Variants in VPS13A observed in about 807,000 individuals in gnomAD.
The protein encoded by VPS13A is intermembrane lipid transfer protein VPS13A.
A neutral mutation model predicts 390.9 loss-of-function variants in VPS13A; 264 were observed. The ratio of observed to expected loss-of-function variants is 0.68; its 90% CI spans 0.61 to 0.75. The LOEUF is 0.75. Ranked by LOEUF, VPS13A falls within the 30% of genes least tolerant of loss-of-function variation. VPS13A has a pLI of 0.00. For missense variants in VPS13A, 3,409 were observed against 3,733.9 expected, an observed-to-expected ratio of 0.91 and a Z score of 2.27; for synonymous variants, 1,231 against 1,227.1, an observed-to-expected ratio of 1.00 and a Z score of -0.07.
intron 45 of VPS13A, among the ~76,000 whole-genome samples, chr9:77,330,410 T>A (rs1203155431): frequency 6.6e-6 from 1 of 152,200 alleles, no homozygotes; most frequent in Non-Finnish European, 1.5e-5. Context: ...TGATCTTTCC[T>A]TGAAATTTCA....
In VPS13A at chr9:77,365,509, C is replaced by G; in HGVS notation, c.8261C>G (p.Thr2754Arg). 1.2e-6 allele frequency: 2 copies of G among 1,612,286 alleles called. No homozygotes were observed. The highest frequency in any genetic ancestry group is 1.7e-6 in the Non-Finnish European group (2 of 1,178,774). Residue 2754 changes from threonine to arginine, a missense_variant, in exon 60 of 72, where the codon ACA (threonine) becomes AGA (arginine). Transcript: ENST00000360280. ...DIEAFKEEYKTASLVDQSQVS... is the reference protein window; with the variant it reads ...DIEAFKEEYKRASLVDQSQVS... ...GAAGCTTTCAAAGAAGAATATAAAACAGCCTCATTAGTAGATCAATCACAA... is the reference window on the plus strand; with the variant it reads ...GAAGCTTTCAAAGAAGAATATAAAAGAGCCTCATTAGTAGATCAATCACAA...
chr9:77,185,523 G>A (rs1790217117), intron 1 of VPS13A, among the ~76,000 whole-genome samples: 1 of 152,128 alleles, frequency 6.6e-6, no homozygotes, highest in South Asian at 2.1e-4. Flanking sequence ...TTTAGGGATT[G>A]GGGGAAAAAC....
chr9:77,307,218 T>A (rs1828808577), intron 34 of VPS13A, among the ~76,000 whole-genome samples: 1 of 152,174 alleles, frequency 6.6e-6, no homozygotes, highest in Admixed American at 6.5e-5. Flanking sequence ...AATTATTAGC[T>A]CTTTGAGTTA....
intron 47 of VPS13A, chr9:77,338,333 A>T (rs1830643638): frequency 6.6e-6 from 1 of 152,110 alleles, no homozygotes. Context: ...TATGGTTTTA[A>T]ATGTGTATTT....
chr9:77,390,425 T>TA (rs1833853789), intron 68 of VPS13A, among the ~76,000 whole-genome samples: 1 of 152,174 alleles, frequency 6.6e-6, no homozygotes, highest in Non-Finnish European at 1.5e-5. Context: ...GAACATTTAA[T>TA]AGTGTGTACC....
intron 52 of VPS13A, chr9:77,350,908 GT>G (rs1356262335): frequency 1.1e-5 from 2 of 182,214 alleles, no homozygotes; most frequent in Admixed American, 1.1e-4. Flanking sequence ...TGTATTTCAT[GT>G]TTTGTGATTT....
chr9:77,363,137 C>T (rs1211009707), intron 59 of VPS13A, among the ~76,000 whole-genome samples: 8 of 152,038 alleles, frequency 5.3e-5, no homozygotes, highest in Non-Finnish European at 1.2e-4. Context: ...AAATTGGTGA[C>T]ACATTAAACA....
In VPS13A at chr9:77,210,616, A is replaced by C. The variant is rs1357677569; in HGVS notation, c.496A>C (p.Ile166Leu). The change falls in exon 7 of 72, where the codon ATC (isoleucine) becomes CTC (leucine). Residue 166 changes from isoleucine to leucine, a missense_variant and splice_region_variant. By Grantham distance (5) the Ile-to-Leu change is conservative (BLOSUM62 2). This residue lies in a region of VPS13A where 2,717 missense variants were observed against 2,917.4 expected (regional missense o/e 0.93). Coordinates refer to ENST00000360280, the MANE Select transcript of VPS13A (RefSeq NM_033305.3). ...AAATTTTACTTTCTTTCCTCTTTAGATCACAAATCGGGACAAACCGCTGTC... is the reference window on the plus strand; with the variant it reads ...AAATTTTACTTTCTTTCCTCTTTAGCTCACAAATCGGGACAAACCGCTGTC... ...SSIHIRYEDD[I>L]TNRDKPLSFG... The C allele has an allele frequency of 1.2e-6, 2 of 1,613,686 alleles. No homozygotes were observed. Among genetic ancestry groups the C allele is most frequent in the South Asian group, 2.2e-5 (2 of 91,072 alleles).
At chr9:77,248,302 G>A (rs943312994) in intron 20 of VPS13A, among the ~76,000 whole-genome samples, 5 of 150,156 alleles carry the variant, frequency 3.3e-5, no homozygotes, top group South Asian at 4.2e-4. Context: ...TGCAAGCTCC[G>A]CCTCCTGGGT....
At chr9:77,202,108 T>C (rs774761986) in intron 3 of VPS13A, among the ~76,000 whole-genome samples, 1 of 152,148 alleles carries the variant, frequency 6.6e-6, no homozygotes, top group Non-Finnish European at 1.5e-5. Flanking sequence ...TATACTGTTG[T>C]CACTTGGGGA....
At chr9:77,205,828 G>A in intron 4 of VPS13A, 150 bp from the exon 5 acceptor site, 1 of 537,640 alleles carries the variant, frequency 1.9e-6, no homozygotes, top group Non-Finnish European at 3.4e-6. Context: ...CTGACCTCAT[G>A]ATTCGCCCAG....
At chr9:77,330,812 G>T (rs954094161) in intron 45 of VPS13A, among the ~76,000 whole-genome samples, 5 of 151,870 alleles carry the variant, frequency 3.3e-5, no homozygotes, top group African/African-American at 1.2e-4. Context: ...GTTGAAGTCA[G>T]CTGTTTTGTT....
intron 42 of VPS13A, among the ~76,000 whole-genome samples, 178 bp downstream of exon 42, chr9:77,319,851 C>G (rs1051296798): frequency 1.3e-5 from 2 of 151,962 alleles, no homozygotes; most frequent in Non-Finnish European, 2.9e-5. Flanking sequence ...CCCTCATCAA[C>G]GTATATTTGA....
rs944987173 is a variant in VPS13A, at chr9:77,418,876, C to G, written c.*2870C>G. 6.6e-6 allele frequency: 1 copy of G among 152,198 alleles called. No individual in the cohort carries two copies. Among genetic ancestry groups the G allele is most frequent in the African/African-American group, 2.4e-5 (1 of 41,438 alleles). 9.4% of individuals were successfully genotyped at this position (152,198 alleles called of 1,614,324 possible). On this transcript the variant is annotated 3_prime_UTR_variant, in exon 72 of 72. Transcript: ENST00000360280. ...CCACATAGTAGCATCGTATTACTCT[C>G]TGGTAAAAAGAAAGATTAAATTAAA...
At chr9:77,316,822 CCATGTAACTT>C (rs980080052) in intron 39 of VPS13A, among the ~76,000 whole-genome samples, 2 of 152,006 alleles carry the variant, frequency 1.3e-5, no homozygotes, top group South Asian at 2.1e-4. Flanking sequence ...TTCCTTGTCT[CCATGTAACTT>C]CATTTGAACC....
intron 23 of VPS13A, among the ~76,000 whole-genome samples, chr9:77,267,335 C>T (rs1004168657): frequency 7.2e-5 from 11 of 152,112 alleles, no homozygotes; most frequent in African/African-American, 4.8e-5. Flanking sequence ...TGGTGACCTT[C>T]GGATGGGGTT....
intron 71 of VPS13A, among the ~76,000 whole-genome samples, chr9:77,412,578 A>G (rs1042876500): frequency 1.3e-5 from 2 of 152,242 alleles, no homozygotes; most frequent in African/African-American, 4.8e-5. Context: ...TAAATTAATT[A>G]GGTATTGATG....
intron 31 of VPS13A, among the ~76,000 whole-genome samples, chr9:77,288,446 G>A (rs111940970): frequency 1.5e-4 from 23 of 152,224 alleles, no homozygotes; most frequent in African/African-American, 5.5e-4. Context: ...GCTGCTTCCT[G>A]TAAGTTTTGA....
At chr9:77,240,235 A>G (rs1824396239) in intron 19 of VPS13A, among the ~76,000 whole-genome samples, 1 of 150,248 alleles carries the variant, frequency 6.7e-6, no homozygotes, top group South Asian at 2.1e-4. Context: ...GGCACCCACC[A>G]CAACGCCTGG....
Sources: gnomAD v4.1 joint callset for allele counts (sites outside exome capture counted in the v4.1 genomes callset) on GRCh38, gnomAD v4.1.1 for gene constraint, gnomAD v4.1.1 regional missense constraint, MANE v1.5 for transcripts, NCBI Gene and HGNC (gene_info 2026-07-23, HGNC 2026-07-21) for gene names.